Variants in TAB2 observed in about 807,000 individuals in gnomAD.
TAB2 encodes TGF-beta-activated kinase 1 and MAP3K7-binding protein 2.
In TAB2, 3 loss-of-function variants were observed where a neutral mutation model predicts 65.0. The ratio of observed to expected loss-of-function variants is 0.05; its 90% CI spans 0.02 to 0.12. TAB2 has a LOEUF of 0.12. Ranked by LOEUF, TAB2 falls within the 10% of genes least tolerant of loss-of-function variation. The pLI, the probability that TAB2 is intolerant of heterozygous loss-of-function variation, is 1.00. For missense variants in TAB2, 623 were observed against 840.3 expected, an observed-to-expected ratio of 0.74 and a Z score of 3.20; for synonymous variants, 298 against 285.1, an observed-to-expected ratio of 1.05 and a Z score of -0.46.
intron 1 of TAB2, among the ~76,000 whole-genome samples, chr6:149,268,075 T>C (rs924929223): frequency 1.6e-4 from 24 of 152,346 alleles, no homozygotes; most frequent in Non-Finnish European, 3.1e-4. Flanking sequence ...TAGTTAGAGT[T>C]AGGTTTGGCT....
intron 1 of TAB2, among the ~76,000 whole-genome samples, chr6:149,232,112 A>G (rs115468372): frequency 0.014 from 2,170 of 152,316 alleles, 56 homozygotes; most frequent in African/African-American, 0.05. Context: ...GTGCGCTAGA[A>G]AGAGAAGAAT....
chr6:149,272,766 G>C (rs1778386434), intron 1 of TAB2, among the ~76,000 whole-genome samples: 1 of 152,156 alleles, frequency 6.6e-6, no homozygotes, highest in Admixed American at 6.5e-5. Context: ...TCCCTTACCA[G>C]TTCATGGGAT....
Position 149,369,891 on chromosome 6 carries a change from T to C in TAB2, c.-89-18T>C. ...CTATAATCAGTTCTCATTAAAATTTTTTTTCTTTCTTTCACAGAAAATGCT... is the reference window on the plus strand; with the variant it reads ...CTATAATCAGTTCTCATTAAAATTTCTTTTCTTTCTTTCACAGAAAATGCT... On this transcript the variant is annotated intron_variant, in intron 1 of 6. Coordinates refer to ENST00000637181, the MANE Select transcript of TAB2 (RefSeq NM_001292034.3). 2.1e-6 allele frequency: 2 copies of C among 937,142 alleles called. No individual in the cohort carries two copies. The highest frequency in any genetic ancestry group is 2.0e-5 in the Admixed American group (1 of 50,878). The allele number at this position is 937,142 out of a possible 1,614,324, so 58.1% of individuals were successfully genotyped here.
intron 1 of TAB2, among the ~76,000 whole-genome samples, chr6:149,290,548 G>C (rs1481198387): frequency 6.6e-6 from 1 of 152,144 alleles, no homozygotes; most frequent in African/African-American, 2.4e-5. Flanking sequence ...GACTAGAAGA[G>C]TGTGTGGTAT....
chr6:149,220,897 G>T (rs1475496719), intron 1 of TAB2: 2 of 152,098 alleles, frequency 1.3e-5, no homozygotes, highest in African/African-American at 4.8e-5. Context: ...GATTACAAGC[G>T]TGAACCACCA....
At chr6:149,234,283 C>A (rs1777456355) in intron 1 of TAB2, among the ~76,000 whole-genome samples, 1 of 152,160 alleles carries the variant, frequency 6.6e-6, no homozygotes, top group Non-Finnish European at 1.5e-5. Flanking sequence ...ATAAAGGGAA[C>A]TCTTGCTACT....
intron 1 of TAB2, among the ~76,000 whole-genome samples, chr6:149,280,495 G>T (rs532375242): frequency 1.3e-5 from 2 of 152,094 alleles, no homozygotes; most frequent in Non-Finnish European, 2.9e-5. Context: ...ATAGAATAAC[G>T]CTGAGCTAGA....
At chr6:149,323,743 C>T (rs1706147124) in intron 1 of TAB2, among the ~76,000 whole-genome samples, 1 of 152,128 alleles carries the variant, frequency 6.6e-6, no homozygotes, top group Admixed American at 6.5e-5. Flanking sequence ...CAGTCATTTA[C>T]CCAAAATATT....
At chr6:149,350,246 TCA>T (rs1459668397) in intron 1 of TAB2, among the ~76,000 whole-genome samples, 7 of 151,990 alleles carry the variant, frequency 4.6e-5, no homozygotes, top group Non-Finnish European at 1.0e-4. Flanking sequence ...TTAATATTTC[TCA>T]CGTGAAGAAT....
chr6:149,338,357 C>CTA (rs1779996462), intron 1 of TAB2, among the ~76,000 whole-genome samples: 1 of 152,074 alleles, frequency 6.6e-6, no homozygotes, highest in South Asian at 2.1e-4. Flanking sequence ...ACTGTATTGA[C>CTA]TGTAATAACC....
At chr6:149,304,290 C>G (rs529718995) in intron 1 of TAB2, 1 of 152,920 alleles carries the variant, frequency 6.5e-6, no homozygotes, top group South Asian at 2.1e-4. Context: ...GTGGTTTCCT[C>G]ACACTTTTCT....
intron 6 of TAB2, among the ~76,000 whole-genome samples, chr6:149,404,980 T>C (rs969605509): frequency 6.6e-6 from 1 of 152,122 alleles, no homozygotes; most frequent in Admixed American, 6.5e-5. Flanking sequence ...AAGGCATCCT[T>C]CAGAAAGGGA....
chr6:149,410,670 A>T lies in TAB2; in HGVS notation c.*951A>T, dbSNP rs1782823575. 6.6e-6 allele frequency: 1 copy of T among 152,668 alleles called. No homozygotes were observed. Among genetic ancestry groups the T allele is most frequent in the African/African-American group, 2.4e-5 (1 of 41,444 alleles). 9.5% of individuals were successfully genotyped at this position (152,668 alleles called of 1,614,324 possible). A position where few individuals can be genotyped will look rare whatever the true frequency, so the allele number is the denominator to read the frequency against. On this transcript the variant is annotated 3_prime_UTR_variant, in exon 7 of 7. Coordinates refer to ENST00000637181, the MANE Select transcript of TAB2 (RefSeq NM_001292034.3). The stretch of plus-strand genomic sequence containing the variant: ...AATTGCAGATGATATTACAGAAGTG[A>T]TGTCTGTAGGTCACATTAAATACTG...
intron 1 of TAB2, among the ~76,000 whole-genome samples, chr6:149,365,332 T>C (rs1045860567): frequency 2.0e-5 from 3 of 152,224 alleles, no homozygotes; most frequent in African/African-American, 7.2e-5. Flanking sequence ...TACAAATGAC[T>C]TACTGCTCCA....
At chr6:149,319,414 A>C (rs1779363327) in intron 1 of TAB2, among the ~76,000 whole-genome samples, 1 of 152,236 alleles carries the variant, frequency 6.6e-6, no homozygotes, top group Non-Finnish European at 1.5e-5. Flanking sequence ...ATAAAGGAAG[A>C]CTTGCTTTTC....
At chr6:149,369,194 A>G (rs1338704290) in intron 1 of TAB2, among the ~76,000 whole-genome samples, 1 of 152,180 alleles carries the variant, frequency 6.6e-6, no homozygotes, top group Non-Finnish European at 1.5e-5. Context: ...AACATTAAAC[A>G]TGGTTTACCT....
intron 1 of TAB2, among the ~76,000 whole-genome samples, chr6:149,269,605 T>C (rs1778323339): frequency 6.6e-6 from 1 of 152,286 alleles, no homozygotes; most frequent in Admixed American, 6.5e-5. Context: ...CTCCTCTCCC[T>C]ACCCCAGCCC....
chr6:149,323,789 A>G (rs1032926808), intron 1 of TAB2, among the ~76,000 whole-genome samples: 3 of 152,206 alleles, frequency 2.0e-5, no homozygotes, highest in African/African-American at 4.8e-5. Flanking sequence ...CAAAGCATGT[A>G]TCGTGTGCTT....
chr6:149,276,378 A>G (rs1300908824), intron 1 of TAB2, among the ~76,000 whole-genome samples: 1 of 152,204 alleles, frequency 6.6e-6, no homozygotes, highest in Non-Finnish European at 1.5e-5. Context: ...AATGTTATCC[A>G]GGAGATATTA....
Sources: allele counts gnomAD v4.1 joint callset (sites outside exome capture counted in the v4.1 genomes callset), GRCh38; gene constraint gnomAD v4.1.1; transcripts MANE v1.5; gene names NCBI Gene and HGNC (gene_info 2026-07-23, HGNC 2026-07-21).